Variants in FNDC3A observed in about 807,000 individuals in gnomAD.
FNDC3A encodes the protein fibronectin type III domain containing 3A, also known as fibronectin type-III domain-containing protein 3A.
FNDC3A carries 32 observed loss-of-function variants against 148.9 expected under a neutral mutation model. The observed-to-expected ratio is 0.21, with a 90% CI of 0.16 to 0.29. The LOEUF (loss-of-function observed/expected upper bound fraction) is 0.29. Among genes scored for constraint, FNDC3A ranks in the 10% least tolerant of loss-of-function variants. FNDC3A has a pLI of 1.00. For synonymous variants in FNDC3A, 472 were observed against 473.6 expected (o/e 1.00, Z 0.04); for missense variants, 1,191 against 1,452.8 (o/e 0.82, Z 2.93).
chr13:49,004,043 T>C (rs914566611), intron 1 of FNDC3A, among the ~76,000 whole-genome samples: 5 of 152,180 alleles, frequency 3.3e-5, no homozygotes, highest in Admixed American at 6.5e-5. Flanking sequence ...AAGAATTTAC[T>C]CCATGGATGT....
intron 25 of FNDC3A, among the ~76,000 whole-genome samples, chr13:49,206,474 T>A (rs190538109): frequency 6.6e-6 from 1 of 152,184 alleles, no homozygotes; most frequent in African/African-American, 2.4e-5. Flanking sequence ...ATGGGTTAAT[T>A]ACTAGCACAT....
At chr13:49,184,897 G>C (rs1644404784) in intron 14 of FNDC3A, among the ~76,000 whole-genome samples, 1 of 151,220 alleles carries the variant, frequency 6.6e-6, no homozygotes, top group African/African-American at 2.5e-5. Flanking sequence ...GAAATGTAAA[G>C]GGGCTCAGAG....
At chr13:48,986,209 T>C (rs1951789571) in intron 1 of FNDC3A, among the ~76,000 whole-genome samples, 1 of 152,110 alleles carries the variant, frequency 6.6e-6, no homozygotes, top group Admixed American at 6.5e-5. Flanking sequence ...AAAAACACTT[T>C]GCTTTTTTAA....
chr13:49,198,691 G>T, intron 23 of FNDC3A, 117 bp downstream of exon 23: 1 of 801,308 alleles, frequency 1.2e-6, no homozygotes, highest in Non-Finnish European at 2.0e-6. Flanking sequence ...CAGCACTTTG[G>T]GAGGCTGAGG....
Position 49,138,072 on chromosome 13 carries a change from T to C in FNDC3A, c.761-675T>C, listed in dbSNP as rs186960512. Among the ~76,000 whole-genome samples, 6 of 152,312 alleles carry C rather than the reference T, an allele frequency of 3.9e-5. No individual in the cohort carries two copies. In the East Asian group the frequency reaches 1.2e-3, roughly 29 times the overall value. ...AATATATGACTAGGAACTAAAATGC[T>C]TCCAACTTTGAGGGAAATATCAAAA... is the stretch of plus-strand genomic sequence containing the variant. On this transcript the variant is annotated intron_variant, in intron 6 of 25. Transcript: ENST00000492622.
At chr13:49,088,700 A>G (rs1394100780) in intron 3 of FNDC3A, among the ~76,000 whole-genome samples, 7 of 151,462 alleles carry the variant, frequency 4.6e-5, no homozygotes, top group Non-Finnish European at 4.4e-5. Flanking sequence ...TTCCAACCGC[A>G]CTAGTACTTC....
chr13:49,107,508 G>A (rs932554240), intron 3 of FNDC3A, among the ~76,000 whole-genome samples: 1 of 152,184 alleles, frequency 6.6e-6, no homozygotes, highest in Non-Finnish European at 1.5e-5. Context: ...GTGAAGCCAA[G>A]TCCAAGTGGA....
chr13:49,089,097 G>A (rs1403014272), intron 3 of FNDC3A, among the ~76,000 whole-genome samples: 1 of 152,122 alleles, frequency 6.6e-6, no homozygotes, highest in Non-Finnish European at 1.5e-5. Context: ...GATGAAAAAT[G>A]TTCTGGAGTT....
chr13:49,160,994 A>G (rs1469798200), intron 8 of FNDC3A, among the ~76,000 whole-genome samples: 1 of 152,172 alleles, frequency 6.6e-6, no homozygotes, highest in Non-Finnish European at 1.5e-5. Context: ...ACAGTTTGTT[A>G]TAATTTCTGT....
At chr13:49,101,833 A>G (rs940537411) in intron 3 of FNDC3A, among the ~76,000 whole-genome samples, 1 of 147,438 alleles carries the variant, frequency 6.8e-6, no homozygotes, top group Non-Finnish European at 1.5e-5. Context: ...AATCATTGGA[A>G]TCATGTTGTA....
Position 49,187,012 on chromosome 13 carries a change from A to G in FNDC3A, c.1757-110A>G, listed in dbSNP as rs141825752. The G allele has an allele frequency of 3.5e-4, 228 of 650,860 alleles. 1 individual carries two copies. In the East Asian group the frequency reaches 6.1e-3, roughly 17 times the overall value. The allele number at this position is 650,860 out of a possible 1,614,324, so 40.3% of individuals were successfully genotyped here. On this transcript the variant is annotated intron_variant, in intron 15 of 25. Coordinates refer to ENST00000492622, the MANE Select transcript of FNDC3A (RefSeq NM_001079673.2). The stretch of plus-strand genomic sequence containing the variant: ...TTGGGTACTGGTATTAAGTCATTGC[A>G]GGTGATTTTTTTTTTTTAAACCTAG...
At chr13:49,023,814 A>C (rs1873502247) in intron 2 of FNDC3A, among the ~76,000 whole-genome samples, 2 of 152,000 alleles carry the variant, frequency 1.3e-5, no homozygotes, top group Non-Finnish European at 2.9e-5. Context: ...GTGTCCTTAC[A>C]TTAGATTAAT....
upstream of FNDC3A, chr13:48,975,498 T>G (rs557056780): frequency 1.3e-5 from 2 of 151,554 alleles, no homozygotes; most frequent in Admixed American, 6.6e-5. Context: ...TTGGGAGGAG[T>G]GTCTTTTAAA....
chr13:49,059,435 T>C (rs1287972206), intron 2 of FNDC3A, among the ~76,000 whole-genome samples: 1 of 152,186 alleles, frequency 6.6e-6, no homozygotes, highest in Non-Finnish European at 1.5e-5. Flanking sequence ...GTCTATAGAA[T>C]GATAGAAACT....
At chr13:49,170,745 G>A (rs1345683631) in intron 10 of FNDC3A, among the ~76,000 whole-genome samples, 2 of 152,112 alleles carry the variant, frequency 1.3e-5, no homozygotes, top group African/African-American at 2.4e-5. Context: ...GAGTTGATTG[G>A]AGGACTAAAT....
chr13:49,043,825 T>C (rs930549343), intron 2 of FNDC3A, among the ~76,000 whole-genome samples: 13 of 152,186 alleles, frequency 8.5e-5, no homozygotes, highest in Non-Finnish European at 1.6e-4. Flanking sequence ...TTCATATACA[T>C]TGACCCCTCT....
At chr13:49,125,791 A>C (rs946665616) in intron 4 of FNDC3A, among the ~76,000 whole-genome samples, 12 of 152,190 alleles carry the variant, frequency 7.9e-5, no homozygotes, top group Admixed American at 3.3e-4. Context: ...GATACACAAT[A>C]TAAAATGTCA....
intron 4 of FNDC3A, 49 bp downstream of exon 4, chr13:49,114,780 T>A: frequency 8.2e-7 from 1 of 1,224,128 alleles, no homozygotes; most frequent in Non-Finnish European, 1.2e-6. Flanking sequence ...ATAGTGATAA[T>A]GTTATTCTCT....
At chr13:49,000,602 C>A (rs1271966813) in intron 1 of FNDC3A, among the ~76,000 whole-genome samples, 1 of 152,106 alleles carries the variant, frequency 6.6e-6, no homozygotes, top group Non-Finnish European at 1.5e-5. Flanking sequence ...TTTTCTTTTC[C>A]TGCAAAATAA....
Sources: gnomAD v4.1 joint callset for allele counts (sites outside exome capture counted in the v4.1 genomes callset) on GRCh38, gnomAD v4.1.1 for gene constraint, MANE v1.5 for transcripts, NCBI Gene and HGNC (gene_info 2026-07-23, HGNC 2026-07-21) for gene names.